The following DLG2 variants were observed in gnomAD, a reference collection of about 807,000 sequenced individuals.
DLG2 encodes the protein disks large homolog 2.
In DLG2, 45 loss-of-function variants were observed where a neutral mutation model predicts 132.5. The ratio of observed to expected loss-of-function variants is 0.34; its 90% CI spans 0.27 to 0.44. The LOEUF is 0.44. DLG2 is among the 20% of genes least tolerant of loss of function. The probability of loss-of-function intolerance (pLI) is 1.00; values close to 1 mark genes in which losing one functional copy is unlikely to be tolerated. For missense variants in DLG2, 1,045 were observed against 1,196.9 expected, an observed-to-expected ratio of 0.87 and a Z score of 1.87; for synonymous variants, 424 against 419.6, an observed-to-expected ratio of 1.01 and a Z score of -0.13.
chr11:83,875,982 G>C (rs540230630), intron 15 of DLG2, among the ~76,000 whole-genome samples: 1 of 152,272 alleles, frequency 6.6e-6, no homozygotes, highest in South Asian at 2.1e-4. Flanking sequence ...GTGTTTCCTG[G>C]TATCCCTCAC....
rs1261262797 is a variant in DLG2, at chr11:85,068,748, T to G, written c.357+42913A>C. Among the ~76,000 whole-genome samples, 8 of 152,240 alleles carry G rather than the reference T, an allele frequency of 5.3e-5. No individual in the cohort carries two copies. The South Asian group carries it at 1.0e-3, about 20-fold the overall frequency. ...AGCCCAAGGAAATTTACAGATTCAA[T>G]GCCATCCCCATCAAGCTACCAATGA... On this transcript the variant is annotated intron_variant, in intron 6 of 27. Transcript: ENST00000376104.
At chr11:85,569,676 G>A (rs534917645) in intron 3 of DLG2, among the ~76,000 whole-genome samples, 61 of 151,990 alleles carry the variant, frequency 4.0e-4, no homozygotes, top group Non-Finnish European at 5.0e-4. Context: ...ACCTACCATC[G>A]TACATGAGTC....
chr11:83,481,443 G>A (rs1470184665), intron 22 of DLG2, among the ~76,000 whole-genome samples: 1 of 151,980 alleles, frequency 6.6e-6, no homozygotes, highest in Non-Finnish European at 1.5e-5. Flanking sequence ...TTTTTAAAAA[G>A]TGACAATAGT....
At chr11:83,685,958 T>G (rs2079674656) in intron 18 of DLG2, among the ~76,000 whole-genome samples, 1 of 149,874 alleles carries the variant, frequency 6.7e-6, no homozygotes, top group African/African-American at 2.5e-5. Flanking sequence ...ACCCCATGCC[T>G]TATTCATCAT....
chr11:84,349,587 TACAGTAGGTCTA>T (rs2098553646), intron 7 of DLG2, among the ~76,000 whole-genome samples: 2 of 152,346 alleles, frequency 1.3e-5, no homozygotes, highest in African/African-American at 4.8e-5. Context: ...CACGGTCATG[TACAGTAGGTCTA>T]ACATGACCCA....
intron 3 of DLG2, among the ~76,000 whole-genome samples, chr11:85,432,500 T>C (rs1162069330): frequency 6.6e-6 from 1 of 151,750 alleles, no homozygotes; most frequent in Non-Finnish European, 1.5e-5. Context: ...AATGACCTGA[T>C]GAAACTGAAA....
At chr11:85,312,558 A>G (rs993395165) in intron 3 of DLG2, among the ~76,000 whole-genome samples, 7 of 151,914 alleles carry the variant, frequency 4.6e-5, no homozygotes, top group Admixed American at 2.6e-4. Flanking sequence ...GAAAGCATGA[A>G]AAGATTTTCA....
intron 16 of DLG2, among the ~76,000 whole-genome samples, chr11:83,863,951 G>C (rs2061859627): frequency 6.6e-6 from 1 of 152,154 alleles, no homozygotes; most frequent in African/African-American, 2.4e-5. Context: ...ATATTGAAAT[G>C]CAATTTCCCA....
intron 6 of DLG2, among the ~76,000 whole-genome samples, chr11:85,048,297 C>G (rs1292094216): frequency 4.6e-5 from 7 of 151,822 alleles, no homozygotes; most frequent in Non-Finnish European, 1.0e-4. Flanking sequence ...CATGTCAAAC[C>G]ACAGGCTTAA....
intron 19 of DLG2, among the ~76,000 whole-genome samples, chr11:83,569,598 T>C (rs1344897749): frequency 6.6e-6 from 1 of 152,180 alleles, no homozygotes; most frequent in Admixed American, 6.6e-5. Context: ...AGGACTGTTA[T>C]GTAATGATTG....
intron 6 of DLG2, among the ~76,000 whole-genome samples, chr11:84,881,590 T>C (rs186642413): frequency 4.1e-4 from 62 of 151,662 alleles, no homozygotes; most frequent in Non-Finnish European, 1.8e-4. Flanking sequence ...CCCTGTTGGA[T>C]GCTTATTACC....
At chr11:84,689,652 G>C (rs1222238323) in intron 6 of DLG2, among the ~76,000 whole-genome samples, 1 of 151,974 alleles carries the variant, frequency 6.6e-6, no homozygotes, top group African/African-American at 2.4e-5. Context: ...AAAGAGGTTT[G>C]ACAATTCTCC....
chr11:85,070,534 T>C (rs953861805), intron 6 of DLG2, among the ~76,000 whole-genome samples: 25 of 151,936 alleles, frequency 1.6e-4, no homozygotes, highest in Non-Finnish European at 1.8e-4. Context: ...AATATATTCA[T>C]GTAACAAAAC....
rs187047712 is a variant in DLG2, at chr11:84,754,877, A to G, written c.358-220146T>C. On this transcript the variant is annotated intron_variant, in intron 6 of 27. Coordinates refer to ENST00000376104, the MANE Select transcript of DLG2 (RefSeq NM_001142699.3). ...ATGTCGTTAGTATAGGAAACTATGC[A>G]TGTGTGGGGGCTGGAGTATATGGCA... Among the ~76,000 whole-genome samples, 15 of 152,284 alleles carry G rather than the reference A, an allele frequency of 9.9e-5. No individual in the cohort carries two copies. The East Asian group carries it at 2.7e-3, about 27-fold the overall frequency.
chr11:83,764,732 G>A (rs756503209), intron 18 of DLG2, among the ~76,000 whole-genome samples: 1 of 152,182 alleles, frequency 6.6e-6, no homozygotes, highest in Non-Finnish European at 1.5e-5. Context: ...CAGATTTAGG[G>A]TTTGAACACA....
chr11:83,671,374 TAG>T (rs1189485848), intron 18 of DLG2, among the ~76,000 whole-genome samples: 3 of 152,240 alleles, frequency 2.0e-5, no homozygotes, highest in Non-Finnish European at 2.9e-5. Context: ...CATCCTGATG[TAG>T]AGTCTGTATC....
At chr11:84,689,326 T>C (rs961198887) in intron 6 of DLG2, among the ~76,000 whole-genome samples, 17 of 152,042 alleles carry the variant, frequency 1.1e-4, no homozygotes, top group Non-Finnish European at 2.9e-5. Flanking sequence ...AAAGCAAGAC[T>C]CTATTTGGAT....
chr11:84,520,543 C>T (rs2099293937), intron 7 of DLG2, among the ~76,000 whole-genome samples: 1 of 152,184 alleles, frequency 6.6e-6, no homozygotes, highest in Non-Finnish European at 1.5e-5. Flanking sequence ...CACATACTGA[C>T]AACTCCTTGA....
chr11:84,169,478 C>A (rs1188085190), intron 8 of DLG2, among the ~76,000 whole-genome samples: 1 of 152,192 alleles, frequency 6.6e-6, no homozygotes, highest in African/African-American at 2.4e-5. Flanking sequence ...AAAAGGCTTT[C>A]CTAACTCAAA....
Sources: allele counts gnomAD v4.1 joint callset (sites outside exome capture counted in the v4.1 genomes callset), GRCh38; gene constraint gnomAD v4.1.1; transcripts MANE v1.5; gene names NCBI Gene and HGNC (gene_info 2026-07-23, HGNC 2026-07-21).